NUP160: variants seen among roughly 807,000 people sequenced by gnomAD.
NUP160 encodes nuclear pore complex protein Nup160.
In NUP160, 94 loss-of-function variants were observed where a neutral mutation model predicts 196.9. The observed-to-expected ratio is 0.48, with a 90% CI of 0.40 to 0.57. The LOEUF (loss-of-function observed/expected upper bound fraction) is 0.57, where lower values mean the gene tolerates loss of function less well. Among genes scored for constraint, NUP160 ranks in the 20% least tolerant of loss-of-function variants. NUP160 has a pLI of 0.00. For synonymous variants in NUP160, 605 were observed against 619.7 expected, an observed-to-expected ratio of 0.98 and a Z score of 0.35; for missense variants, 1,638 against 1,748.3, an observed-to-expected ratio of 0.94 and a Z score of 1.13.
rs780663775 is a variant in NUP160, at chr11:47,837,643, A to T, written c.749-20T>A. 2 of 1,598,104 alleles carry T rather than the reference A, an allele frequency of 1.3e-6. No individual in the cohort carries two copies. Among genetic ancestry groups the T allele is most frequent in the East Asian group, 4.5e-5 (2 of 44,802 alleles). ...CCATACCTGCAATGATATCCAAGGC[A>T]CCTCTTGAACACACTTAGAGAAACC... On this transcript the variant is annotated intron_variant, in intron 4 of 35. Transcript: ENST00000378460.
chr11:47,805,445 G>GTTT (rs2097676940), intron 20 of NUP160, among the ~76,000 whole-genome samples: 3 of 88,584 alleles, frequency 3.4e-5, no homozygotes, highest in East Asian at 3.6e-4. Flanking sequence ...AATGAATAAT[G>GTTT]TCTTTTTTTT....
chr11:47,806,002 T>C, intron 20 of NUP160, 151 bp downstream of exon 20: 1 of 646,594 alleles, frequency 1.5e-6, no homozygotes, highest in Non-Finnish European at 2.7e-6. Flanking sequence ...TTAGTAGAGG[T>C]GGGGTTTCAC....
intron 15 of NUP160, 64 bp from the exon 16 acceptor site, chr11:47,812,493 C>T: frequency 6.2e-6 from 9 of 1,455,622 alleles, no homozygotes; most frequent in Non-Finnish European, 8.4e-6. Flanking sequence ...TCTATATGTC[C>T]TATAAGCTAA....
chr11:47,803,270 T>TAGTC (rs146066512), intron 22 of NUP160, among the ~76,000 whole-genome samples, 168 bp downstream of exon 22: 3,097 of 152,132 alleles, frequency 0.02, 69 homozygotes, highest in African/African-American at 0.059. Context: ...TACAAGAAAG[T>TAGTC]AGTCCTTACA....
At chr11:47,828,241 A>G (rs1356748270) in intron 7 of NUP160, among the ~76,000 whole-genome samples, 2 of 152,236 alleles carry the variant, frequency 1.3e-5, no homozygotes, top group African/African-American at 2.4e-5. Flanking sequence ...ATCAGAACTA[A>G]TAAATGAGTT....
chr11:47,837,507 T>C (rs1174278479), intron 5 of NUP160, 38 bp downstream of exon 5: 1 of 1,526,858 alleles, frequency 6.5e-7, no homozygotes, highest in Admixed American at 1.7e-5. Context: ...AAGATTAAAT[T>C]CTTGGGCCCT....
chr11:47,782,304 AT>A (rs11309995), intron 34 of NUP160, among the ~76,000 whole-genome samples: 23,731 of 51,698 alleles, frequency 0.46, 6,103 homozygotes, highest in East Asian at 0.51. Flanking sequence ...AAAAAAAAAA[AT>A]ATATATATAT....
intron 35 of NUP160, among the ~76,000 whole-genome samples, 179 bp downstream of exon 35, chr11:47,780,164 T>C (rs998412014): frequency 9.2e-5 from 14 of 152,224 alleles, no homozygotes; most frequent in Admixed American, 8.5e-4. Context: ...CATTATGTTT[T>C]CTTGATCCTG....
intron 29 of NUP160, 68 bp downstream of exon 29, chr11:47,791,862 A>G: frequency 2.0e-6 from 2 of 1,019,936 alleles, no homozygotes; most frequent in South Asian, 2.7e-5. Context: ...TATTTCTATC[A>G]TAATACAACT....
At chr11:47,808,642 G>T in intron 17 of NUP160, 113 bp from the exon 18 acceptor site, 1 of 737,082 alleles carries the variant, frequency 1.4e-6, no homozygotes, top group Non-Finnish European at 2.0e-6. Context: ...TCACAATACT[G>T]TAAAAGCAAC....
chr11:47,790,426 A>G (rs2097667254), intron 29 of NUP160, among the ~76,000 whole-genome samples: 1 of 151,600 alleles, frequency 6.6e-6, no homozygotes, highest in African/African-American at 2.4e-5. Flanking sequence ...CACCCAGCTG[A>G]TTTTTTGTAG....
chr11:47,779,266 T>G, intron 35 of NUP160, 72 bp from the exon 36 acceptor site: 2 of 963,602 alleles, frequency 2.1e-6, no homozygotes, highest in Non-Finnish European at 3.2e-6. Flanking sequence ...ATTAATAACT[T>G]TGACTTCACC....
chr11:47,822,051 G>T, intron 8 of NUP160, 36 bp downstream of exon 8: 2 of 1,354,884 alleles, frequency 1.5e-6, no homozygotes, highest in African/African-American at 1.4e-5. Context: ...TCTTTTTCTT[G>T]TACTTATGTG....
chr11:47,821,664 G>T, intron 9 of NUP160, 60 bp downstream of exon 9: 1 of 1,295,042 alleles, frequency 7.7e-7, no homozygotes, highest in Non-Finnish European at 1.1e-6. Flanking sequence ...CCGGCCTCTC[G>T]TCTTCTTAGC....
At chr11:47,824,502 C>T (rs1024511064) in intron 7 of NUP160, among the ~76,000 whole-genome samples, 4 of 151,690 alleles carry the variant, frequency 2.6e-5, no homozygotes, top group African/African-American at 4.8e-5. Context: ...CCCAGCTATT[C>T]GAGAGGCTGA....
chr11:47,821,978 T>A, intron 8 of NUP160, 109 bp downstream of exon 8: 3 of 989,456 alleles, frequency 3.0e-6, no homozygotes, highest in East Asian at 5.1e-5. Flanking sequence ...GTTCCATATA[T>A]CATGAAATAA....
exon 31 of NUP160, chr11:47,788,279 T>C: frequency 6.2e-7 from 1 of 1,613,752 alleles, no homozygotes; most frequent in Non-Finnish European, 8.5e-7. Flanking sequence ...ACCAAGAGAG[T>C]GACCATTTCC....
At chr11:47,797,680 C>T (rs559373484) in intron 27 of NUP160, 99 bp downstream of exon 27, 1 of 782,640 alleles carries the variant, frequency 1.3e-6, no homozygotes, top group Non-Finnish European at 2.2e-6. Context: ...TACTTAAACA[C>T]ATATTAAAAA....
intron 7 of NUP160, among the ~76,000 whole-genome samples, chr11:47,828,283 A>G (rs117073573): frequency 6.6e-6 from 1 of 152,368 alleles, no homozygotes; most frequent in East Asian, 1.9e-4. Flanking sequence ...TTATGAATAT[A>G]CAAAAATCAA....
Sources: allele counts gnomAD v4.1 joint callset (sites outside exome capture counted in the v4.1 genomes callset), GRCh38; gene constraint gnomAD v4.1.1; transcripts MANE v1.5; gene names NCBI Gene and HGNC (gene_info 2026-07-23, HGNC 2026-07-21).